FMNL2: variants seen among roughly 807,000 people sequenced by gnomAD.
FMNL2 encodes the protein formin like 2.
In FMNL2, 51 loss-of-function variants were observed where a neutral mutation model predicts 130.2. The ratio of observed to expected loss-of-function variants is 0.39; its 90% CI spans 0.31 to 0.49. The LOEUF (loss-of-function observed/expected upper bound fraction) is 0.49. FMNL2 is among the 20% of genes least tolerant of loss of function. The pLI is 0.85. For synonymous variants in FMNL2, 465 were observed against 467.1 expected (o/e 1.00, Z 0.06); for missense variants, 977 against 1,316.2 (o/e 0.74, Z 3.99).
chr2:152,626,005 CTTAT>C (rs990816231), intron 16 of FMNL2, among the ~76,000 whole-genome samples: 37 of 151,788 alleles, frequency 2.4e-4, no homozygotes, highest in Admixed American at 2.4e-3. Flanking sequence ...CTAATGTTCA[CTTAT>C]TTTTTTATTT....
chr2:152,466,501 T>C (rs983244249), intron 1 of FMNL2, among the ~76,000 whole-genome samples: 11 of 152,204 alleles, frequency 7.2e-5, no homozygotes, highest in African/African-American at 2.4e-4. Context: ...GTAGTATATC[T>C]AATTGTTGGT....
At chr2:152,540,723 G>A (rs977126838) in intron 2 of FMNL2, among the ~76,000 whole-genome samples, 4 of 150,868 alleles carry the variant, frequency 2.7e-5, no homozygotes, top group African/African-American at 9.7e-5. Flanking sequence ...GATAGCATTG[G>A]GAGATATACC....
chr2:152,610,224 T>C (rs1446906660), intron 10 of FMNL2, among the ~76,000 whole-genome samples: 2 of 152,216 alleles, frequency 1.3e-5, no homozygotes, highest in Non-Finnish European at 1.5e-5. Flanking sequence ...AAAAATGTTC[T>C]TTGTAATAAT....
intron 1 of FMNL2, among the ~76,000 whole-genome samples, chr2:152,348,036 C>T (rs1682230124): frequency 6.6e-6 from 1 of 151,832 alleles, no homozygotes; most frequent in Non-Finnish European, 1.5e-5. Context: ...AGGATGGGCT[C>T]TCTTCGCTTC....
At chr2:152,602,026 G>A (rs1698107589) in intron 9 of FMNL2, among the ~76,000 whole-genome samples, 6 of 152,162 alleles carry the variant, frequency 3.9e-5, no homozygotes, top group Admixed American at 3.9e-4. Context: ...TTGCTGAATG[G>A]TCCAAGCTAA....
chr2:152,510,484 C>CAGAAG (rs1692441340), intron 1 of FMNL2, among the ~76,000 whole-genome samples: 1 of 152,178 alleles, frequency 6.6e-6, no homozygotes, highest in Non-Finnish European at 1.5e-5. Flanking sequence ...GGGAATTCTT[C>CAGAAG]TATTTTTATG....
At chr2:152,389,043 G>GA (rs1336958379) in intron 1 of FMNL2, among the ~76,000 whole-genome samples, 4 of 130,322 alleles carry the variant, frequency 3.1e-5, no homozygotes, top group African/African-American at 1.0e-4. Flanking sequence ...CTTTTTGGTT[G>GA]AAATCTAAAT....
chr2:152,575,099 C>A (rs546535067), intron 6 of FMNL2, 37 bp from the exon 7 acceptor site: 3 of 1,281,930 alleles, frequency 2.3e-6, no homozygotes, highest in Non-Finnish European at 3.3e-6. Context: ...AAGAAAGTAA[C>A]CTGTTGTTTT....
At chr2:152,643,351 C>A in intron 25 of FMNL2, 1 of 1,530,698 alleles carries the variant, frequency 6.5e-7, no homozygotes, top group Non-Finnish European at 8.8e-7. Context: ...TAACCATGTA[C>A]TAATGCAATA....
At chr2:152,406,748 C>T (rs757632862) in intron 1 of FMNL2, among the ~76,000 whole-genome samples, 3 of 152,096 alleles carry the variant, frequency 2.0e-5, no homozygotes, top group Non-Finnish European at 4.4e-5. Context: ...CCAGGCACCA[C>T]GTACTGTTCC....
chr2:152,505,254 A>C (rs1318377498), intron 1 of FMNL2, among the ~76,000 whole-genome samples: 2 of 152,180 alleles, frequency 1.3e-5, no homozygotes, highest in East Asian at 3.8e-4. Flanking sequence ...TGTGAAAACC[A>C]GCCACTGGGT....
intron 1 of FMNL2, among the ~76,000 whole-genome samples, chr2:152,426,009 C>T (rs992217694): frequency 3.3e-5 from 5 of 152,104 alleles, no homozygotes; most frequent in East Asian, 1.9e-4. Flanking sequence ...TTTGGGTATA[C>T]GTTGTGATAG....
At chr2:152,396,548 G>C (rs1381425366) in intron 1 of FMNL2, among the ~76,000 whole-genome samples, 5 of 152,214 alleles carry the variant, frequency 3.3e-5, no homozygotes. Context: ...CAGAGAGCCT[G>C]TGAGGTCCTG....
intron 25 of FMNL2, among the ~76,000 whole-genome samples, chr2:152,643,049 G>A (rs1683234380): frequency 6.6e-6 from 1 of 151,978 alleles, no homozygotes; most frequent in African/African-American, 2.4e-5. Flanking sequence ...CAAAGAACGT[G>A]GAGTTCCTTT....
Position 152,447,484 on chromosome 2 carries a change from T to C in FMNL2, c.118-74459T>C, listed in dbSNP as rs1481214136. 2.6e-5 allele frequency among the ~76,000 whole-genome samples: 4 copies of C among 152,226 alleles called. No homozygotes were observed. The East Asian group carries it at 7.7e-4, about 29-fold the overall frequency. ...TTGAAGTTGAGTATTTTAAATTTCT[T>C]TGACAATTACAGGAAGCAAAGAAGT... On this transcript the variant is annotated intron_variant, in intron 1 of 25. Coordinates refer to ENST00000288670, the MANE Select transcript of FMNL2 (RefSeq NM_052905.4).
chr2:152,419,153 T>A (rs1686774440), intron 1 of FMNL2, among the ~76,000 whole-genome samples: 2 of 150,964 alleles, frequency 1.3e-5, no homozygotes, highest in South Asian at 4.1e-4. Context: ...TCAAAGGACT[T>A]TTTTTGTTTT....
At chr2:152,572,621 AC>A (rs1696235355) in intron 6 of FMNL2, among the ~76,000 whole-genome samples, 1 of 106,816 alleles carries the variant, frequency 9.4e-6, no homozygotes, top group South Asian at 3.1e-4. Context: ...CCCTGTCTCT[AC>A]AAAAAAAAAT....
At chr2:152,384,433 G>T (rs1684669146) in intron 1 of FMNL2, among the ~76,000 whole-genome samples, 1 of 152,186 alleles carries the variant, frequency 6.6e-6, no homozygotes, top group African/African-American at 2.4e-5. Context: ...TGCTGGCCAG[G>T]ATAGGGGCTA....
At chr2:152,618,781 A>C in intron 13 of FMNL2, 65 bp from the exon 14 acceptor site, 1 of 1,403,964 alleles carries the variant, frequency 7.1e-7, no homozygotes, top group Non-Finnish European at 9.6e-7. Flanking sequence ...TCAGTTTGCC[A>C]ATCTGATGCT....
Sources: allele counts gnomAD v4.1 joint callset (sites outside exome capture counted in the v4.1 genomes callset), GRCh38; gene constraint gnomAD v4.1.1; transcripts MANE v1.5; gene names NCBI Gene and HGNC (gene_info 2026-07-23, HGNC 2026-07-21).